PNPT1: variants seen among roughly 807,000 people sequenced by gnomAD.
The protein encoded by PNPT1 is polyribonucleotide nucleotidyltransferase 1, mitochondrial.
Under a neutral mutation model 119.5 loss-of-function variants are expected in PNPT1, and 53 were observed. The observed-to-expected ratio is 0.44, with a 90% CI of 0.36 to 0.56. PNPT1 has a LOEUF of 0.56. Ranked by LOEUF, PNPT1 falls within the 20% of genes least tolerant of loss-of-function variation. The probability of loss-of-function intolerance (pLI) is 0.00; values close to 1 mark genes in which losing one functional copy is unlikely to be tolerated. For missense variants in PNPT1, 948 were observed against 938.5 expected (o/e 1.01, Z -0.13); for synonymous variants, 357 against 322.1 (o/e 1.11, Z -1.16).
chr2:55,641,178 C>A (rs1393307325), intron 25 of PNPT1, among the ~76,000 whole-genome samples: 8 of 152,016 alleles, frequency 5.3e-5, no homozygotes, highest in African/African-American at 1.9e-4. Flanking sequence ...GAGCCGAGAT[C>A]GTGCCACTAC....
intron 26 of PNPT1, 33 bp downstream of exon 26, chr2:55,640,594 T>G: frequency 6.6e-7 from 1 of 1,508,408 alleles, no homozygotes; most frequent in South Asian, 1.1e-5. Context: ...AAGGCAGTTA[T>G]AAAAATAATA....
chr2:55,686,234 A>T, intron 3 of PNPT1, 136 bp downstream of exon 3: 1 of 680,742 alleles, frequency 1.5e-6, no homozygotes. Context: ...TTAATGAATC[A>T]GTATCAAAAA....
chr2:55,648,777 C>T (rs923341230), intron 18 of PNPT1, among the ~76,000 whole-genome samples: 4 of 151,958 alleles, frequency 2.6e-5, no homozygotes, highest in Non-Finnish European at 4.4e-5. Flanking sequence ...TTTCCTAGTT[C>T]GTTGACTTTG....
intron 26 of PNPT1, 87 bp downstream of exon 26, chr2:55,640,540 G>C (rs955659944): frequency 4.4e-5 from 50 of 1,137,658 alleles, no homozygotes; most frequent in African/African-American, 4.7e-5. Flanking sequence ...AGTAGGCAAA[G>C]TGTATAATTC....
At chr2:55,645,000 T>G (rs1695941231) in intron 22 of PNPT1, 1 of 323,056 alleles carries the variant, frequency 3.1e-6, no homozygotes, top group East Asian at 5.6e-5. Context: ...ATATTAATGT[T>G]TATCTTACCA....
Position 55,640,298 on chromosome 2 carries a change from C to T in PNPT1, c.2148+329G>A, listed in dbSNP as rs771888558. On this transcript the variant is annotated intron_variant, in intron 26 of 27. Coordinates refer to ENST00000447944, the MANE Select transcript of PNPT1 (RefSeq NM_033109.5). Reference sequence around the variant, plus strand: ...CCTCCCGAGTAGCTAAGACTACATGCGCACGCCACCACGCCCAGCTAATTT... The same window carrying T: ...CCTCCCGAGTAGCTAAGACTACATGTGCACGCCACCACGCCCAGCTAATTT... Among the ~76,000 whole-genome samples, 7 of 152,236 alleles carry T rather than the reference C, an allele frequency of 4.6e-5. No individual in the cohort carries two copies. The South Asian group carries it at 6.2e-4, about 14-fold the overall frequency.
chr2:55,690,177 G>A (rs574340368), intron 1 of PNPT1, among the ~76,000 whole-genome samples: 1 of 152,288 alleles, frequency 6.6e-6, no homozygotes, highest in African/African-American at 2.4e-5. Flanking sequence ...TAATAAAGGT[G>A]TCTTATATAC....
At chr2:55,687,774 T>C (rs1488601442) in intron 1 of PNPT1, 69 bp from the exon 2 acceptor site, 2 of 1,230,428 alleles carry the variant, frequency 1.6e-6, no homozygotes. Flanking sequence ...TAGTATAAAA[T>C]AATAAAAGAT....
At chr2:55,636,595 A>T (rs572913867) in intron 27 of PNPT1, among the ~76,000 whole-genome samples, 29 of 152,368 alleles carry the variant, frequency 1.9e-4, no homozygotes, top group African/African-American at 6.5e-4. Flanking sequence ...CGGGGCAGTT[A>T]GTTGTTCAAC....
At chr2:55,658,891 C>A (rs2104081804) in intron 15 of PNPT1, among the ~76,000 whole-genome samples, 1 of 152,304 alleles carries the variant, frequency 6.6e-6, no homozygotes, top group Admixed American at 6.5e-5. Flanking sequence ...CTCTGGGCAG[C>A]CAACAAGGGT....
intron 1 of PNPT1, among the ~76,000 whole-genome samples, chr2:55,693,004 T>G (rs1697670238): frequency 6.6e-6 from 1 of 152,118 alleles, no homozygotes; most frequent in South Asian, 2.1e-4. Flanking sequence ...CTTGGTCTCT[T>G]TTTTTTGCTG....
At chr2:55,689,429 A>T (rs1221130057) in intron 1 of PNPT1, among the ~76,000 whole-genome samples, 4 of 152,270 alleles carry the variant, frequency 2.6e-5, no homozygotes, top group Non-Finnish European at 4.4e-5. Flanking sequence ...AGCATTATTC[A>T]TAATAGTTCC....
At chr2:55,685,221 T>C (rs1418502636) in intron 3 of PNPT1, among the ~76,000 whole-genome samples, 173 bp from the exon 4 acceptor site, 2 of 152,228 alleles carry the variant, frequency 1.3e-5, no homozygotes, top group Non-Finnish European at 2.9e-5. Context: ...TAGAAATGTT[T>C]CTGCAAAGTG....
intron 2 of PNPT1, 50 bp downstream of exon 2, chr2:55,687,590 GTATGA>G: frequency 7.7e-7 from 1 of 1,305,516 alleles, no homozygotes; most frequent in Admixed American, 2.4e-5. Context: ...TACACATTTA[GTATGA>G]GTCTCCGTAA....
At chr2:55,645,119 G>A (rs1695947150) in intron 22 of PNPT1, 1 of 330,904 alleles carries the variant, frequency 3.0e-6, no homozygotes, top group East Asian at 6.0e-5. Flanking sequence ...CGCCTCCCGG[G>A]TTCATGCCAT....
At chr2:55,682,718 G>T (rs1026021825) in intron 5 of PNPT1, among the ~76,000 whole-genome samples, 2 of 151,968 alleles carry the variant, frequency 1.3e-5, no homozygotes, top group East Asian at 3.9e-4. Flanking sequence ...GACCAGCCTG[G>T]CTTACATAGT....
At chr2:55,681,320 T>C (rs1697240983) in intron 5 of PNPT1, among the ~76,000 whole-genome samples, 1 of 151,968 alleles carries the variant, frequency 6.6e-6, no homozygotes, top group Admixed American at 6.6e-5. Context: ...GGCAGAAGAA[T>C]CTCTTCAACC....
At chr2:55,638,188 G>A (rs755876466) in intron 26 of PNPT1, among the ~76,000 whole-genome samples, 6 of 151,804 alleles carry the variant, frequency 4.0e-5, no homozygotes, top group Non-Finnish European at 7.4e-5. Flanking sequence ...TGTAGTCCCA[G>A]CTACTTGGGA....
chr2:55,691,886 T>C (rs1414864988), intron 1 of PNPT1, among the ~76,000 whole-genome samples: 1 of 33,302 alleles, frequency 3.0e-5, no homozygotes, highest in Non-Finnish European at 8.9e-5. Flanking sequence ...ATATTTTTTT[T>C]TTTTTTTTTT....
Sources: allele counts gnomAD v4.1 joint callset (sites outside exome capture counted in the v4.1 genomes callset), GRCh38; gene constraint gnomAD v4.1.1; transcripts MANE v1.5; gene names NCBI Gene and HGNC (gene_info 2026-07-23, HGNC 2026-07-21).